TRAK1: variants seen among roughly 807,000 people sequenced by gnomAD.
TRAK1 encodes the protein trafficking kinesin-binding protein 1.
A neutral mutation model predicts 92.1 loss-of-function variants in TRAK1; 33 were observed. The ratio of observed to expected loss-of-function variants is 0.36; its 90% CI spans 0.27 to 0.48. TRAK1 has a LOEUF of 0.48. Among genes scored for constraint, TRAK1 ranks in the 20% least tolerant of loss-of-function variants. The probability of loss-of-function intolerance (pLI) is 0.99; values close to 1 mark genes in which losing one functional copy is unlikely to be tolerated. For synonymous variants in TRAK1, 521 were observed against 517.3 expected (o/e 1.01, Z -0.10); for missense variants, 1,123 against 1,257.9 (o/e 0.89, Z 1.62).
intron 2 of TRAK1, among the ~76,000 whole-genome samples, chr3:42,152,849 C>T (rs75470824): frequency 0.04 from 6,124 of 152,204 alleles, 432 homozygotes; most frequent in African/African-American, 0.14. Context: ...GCAGAAAGAG[C>T]GCTGGCTGTC....
chr3:42,191,598 A>G lies in TRAK1; in HGVS notation c.731A>G (p.Lys244Arg). 2 of 1,604,392 alleles carry G rather than the reference A, an allele frequency of 1.2e-6. No individual in the cohort carries two copies. The highest frequency in any genetic ancestry group is 1.7e-6 in the Non-Finnish European group (2 of 1,175,528). ...LKTETITYEEKEQQLVNDCVK... is the reference protein window; with the variant it reads ...LKTETITYEEREQQLVNDCVK... Reference sequence around the variant, plus strand: ...ACAGAGACCATCACCTATGAGGAGAAGGAGCAGCAGCTGGTCAATGACTGC... The same window carrying G: ...ACAGAGACCATCACCTATGAGGAGAGGGAGCAGCAGCTGGTCAATGACTGC... The change falls in exon 7 of 16, where the codon AAG becomes AGG. Residue 244 changes from lysine (K) to arginine (R), a missense_variant. Physicochemically the swap from Lys to Arg is conservative, Grantham distance 26. Transcript: ENST00000327628.
intron 1 of TRAK1, 94 bp from the exon 2 acceptor site, chr3:42,125,326 C>A: frequency 2.6e-6 from 3 of 1,135,408 alleles, no homozygotes; most frequent in Non-Finnish European, 3.7e-6. Context: ...AGATAAATAA[C>A]CGAAGATACC....
At chr3:42,160,522 A>G (rs749833909) in intron 2 of TRAK1, 1 of 1,583,420 alleles carries the variant, frequency 6.3e-7, no homozygotes, top group Non-Finnish European at 8.6e-7. Context: ...GTTAGTATCT[A>G]AATAGGCTTG....
intron 1 of TRAK1, among the ~76,000 whole-genome samples, chr3:42,109,016 G>C (rs1433358423): frequency 6.6e-6 from 1 of 152,166 alleles, no homozygotes; most frequent in Non-Finnish European, 1.5e-5. Flanking sequence ...CCAGGGGCAG[G>C]CGTGAGTGGT....
intron 7 of TRAK1, among the ~76,000 whole-genome samples, chr3:42,191,895 ATT>A (rs68023368): frequency 4.8e-4 from 35 of 72,762 alleles, no homozygotes; most frequent in African/African-American, 1.8e-3. Flanking sequence ...GAATATTGGA[ATT>A]TTTTTTTTTT....
At chr3:42,110,874 C>G (rs1471850101) in intron 1 of TRAK1, among the ~76,000 whole-genome samples, 1 of 152,194 alleles carries the variant, frequency 6.6e-6, no homozygotes, top group African/African-American at 2.4e-5. Context: ...AACCAGATGG[C>G]TGCTCATTCC....
At position 42,202,445 on chromosome 3, in the gene TRAK1, G is replaced by A. The variant is rs925783990; in HGVS notation, c.1437G>A (p.Glu479=). 1 of 1,481,748 alleles carries A rather than the reference G, an allele frequency of 6.7e-7. No individual in the cohort carries two copies. Among genetic ancestry groups the A allele is most frequent in the Non-Finnish European group, 9.0e-7 (1 of 1,112,830 alleles). The allele number at this position is 1,481,748 out of a possible 1,614,324, so 91.8% of individuals were successfully genotyped here. Reference sequence around the variant, plus strand: ...CCCTTTCTTCTTCCAGAAACGATGAGCGGAGTAAGAAGCCGGGGACGCCGG... The same window carrying A: ...CCCTTTCTTCTTCCAGAAACGATGAACGGAGTAAGAAGCCGGGGACGCCGG... ...ETEAADLGND[E]RSKKPGTPGT... The change falls in exon 13 of 16, where the codon GAG becomes GAA. Residue 479 remains glutamate (E), a synonymous_variant. Coordinates refer to ENST00000327628, the MANE Select transcript of TRAK1 (RefSeq NM_001042646.3). The surrounding 1 kb of genome is among the most constrained non-coding windows in gnomAD (Gnocchi z 6.1).
At chr3:42,086,464 CCTGA>C (rs779901428), upstream of TRAK1, among the ~76,000 whole-genome samples, 23 of 152,088 alleles carry the variant, frequency 1.5e-4, no homozygotes, top group African/African-American at 4.3e-4. Context: ...CGCTACCATA[CCTGA>C]CTAATTTTTT....
At chr3:42,143,884 C>T (rs1351758141) in intron 2 of TRAK1, among the ~76,000 whole-genome samples, 1 of 152,170 alleles carries the variant, frequency 6.6e-6, no homozygotes, top group Non-Finnish European at 1.5e-5. Flanking sequence ...CTTTGTCTTT[C>T]CAAGCATATG....
chr3:42,109,521 C>T (rs1708048288), intron 1 of TRAK1, among the ~76,000 whole-genome samples: 1 of 152,168 alleles, frequency 6.6e-6, no homozygotes, highest in Non-Finnish European at 1.5e-5. Context: ...GAAAGTCCAT[C>T]CTAAACATGG....
intron 1 of TRAK1, among the ~76,000 whole-genome samples, chr3:42,104,859 T>A (rs1707295210): frequency 6.7e-6 from 1 of 149,882 alleles, no homozygotes; most frequent in African/African-American, 2.4e-5. Context: ...CTTTGACGAG[T>A]TGAGAGAAGA....
rs1300555461 is a variant in TRAK1, at chr3:42,125,577, C to G, written c.249C>G (p.Leu83=). Residue 83 remains leucine, a synonymous_variant, in exon 2 of 16, where the codon CTC becomes CTG. Transcript: ENST00000327628. The part of the protein sequence containing the change: ...PLISPDANID[L]TTEQIEETLK... Reference sequence around the variant, plus strand: ...TTTCTCCAGATGCCAACATTGACCTCACAACCGAGCAAATTGAAGAGACGT... The same window carrying G: ...TTTCTCCAGATGCCAACATTGACCTGACAACCGAGCAAATTGAAGAGACGT... 5 of 1,614,114 alleles carry G rather than the reference C, an allele frequency of 3.1e-6. No individual in the cohort carries two copies. The highest frequency in any genetic ancestry group is 4.2e-6 in the Non-Finnish European group (5 of 1,180,040).
intron 2 of TRAK1, among the ~76,000 whole-genome samples, chr3:42,167,528 C>T (rs964811225): frequency 6.6e-6 from 1 of 152,198 alleles, no homozygotes; most frequent in African/African-American, 2.4e-5. Flanking sequence ...GCCCTCACCC[C>T]GTTCCAGTGG....
intron 1 of TRAK1, among the ~76,000 whole-genome samples, chr3:42,015,994 G>T (rs201798608): frequency 4.1e-4 from 62 of 152,146 alleles, no homozygotes; most frequent in Admixed American, 1.1e-3. Flanking sequence ...CCAAGATCCC[G>T]CCACTGCACT....
intron 2 of TRAK1, chr3:42,160,092 C>G: frequency 1.2e-5 from 10 of 860,720 alleles, no homozygotes; most frequent in South Asian, 3.6e-5. Flanking sequence ...GCAGGGCATT[C>G]CCACCCCGCC....
intron 1 of TRAK1, among the ~76,000 whole-genome samples, chr3:42,066,908 G>A (rs1292716530): frequency 1.3e-5 from 2 of 152,192 alleles, no homozygotes; most frequent in African/African-American, 4.8e-5. Context: ...TAGCCCCTCT[G>A]TGTCTTTGGT....
chr3:42,123,018 AC>A (rs1201424945), intron 1 of TRAK1, among the ~76,000 whole-genome samples: 3 of 152,216 alleles, frequency 2.0e-5, no homozygotes, highest in East Asian at 1.9e-4. Flanking sequence ...ATTTTGGAAA[AC>A]CATGCTGACT....
intron 1 of TRAK1, among the ~76,000 whole-genome samples, chr3:42,023,527 CAAGGT>C: frequency 6.6e-6 from 1 of 151,982 alleles, no homozygotes; most frequent in African/African-American, 2.4e-5. Context: ...TGGCTGTACT[CAAGGT>C]GAGAGAGGGT....
At chr3:42,179,064 C>T (rs1315876400) in intron 3 of TRAK1, among the ~76,000 whole-genome samples, 1 of 152,224 alleles carries the variant, frequency 6.6e-6, no homozygotes, top group Non-Finnish European at 1.5e-5. Context: ...AAAATTCTCT[C>T]ACCTTGACCT....
Sources: gnomAD v4.1 joint callset for allele counts (sites outside exome capture counted in the v4.1 genomes callset) on GRCh38, gnomAD v4.1.1 for gene constraint, Gnocchi (gnomAD v3.1) non-coding constraint, MANE v1.5 for transcripts, NCBI Gene and HGNC (gene_info 2026-07-23, HGNC 2026-07-21) for gene names.